The following EIF2AK3 variants were observed in gnomAD, a reference collection of about 807,000 sequenced individuals.
The protein encoded by EIF2AK3 is eukaryotic translation initiation factor 2-alpha kinase 3.
A neutral mutation model predicts 113.5 loss-of-function variants in EIF2AK3; 50 were observed. The observed-to-expected ratio is 0.44, with a 90% CI of 0.35 to 0.56. The LOEUF is 0.56. Ranked by LOEUF, EIF2AK3 falls within the 20% of genes least tolerant of loss-of-function variation. The pLI, the probability that EIF2AK3 is intolerant of heterozygous loss-of-function variation, is 0.00. For synonymous variants in EIF2AK3, 448 were observed against 495.4 expected (o/e 0.90, Z 1.27); for missense variants, 1,185 against 1,378.0 (o/e 0.86, Z 2.22).
rs552673266 is a variant in EIF2AK3, at chr2:88,623,724, CTT to C, written c.308+3241_308+3242del. Among the ~76,000 whole-genome samples, 40 of 152,174 alleles carry C rather than the reference CTT, an allele frequency of 2.6e-4. No homozygotes were observed. The East Asian group carries it at 7.6e-3, about 29-fold the overall frequency. On this transcript the variant is annotated intron_variant, in intron 1 of 16. Transcript: ENST00000303236. ...TTTTTTTAAGAGCATTTAGAAAAAACTTTTATAAACTGCGTATTTATCTCCTG... is the reference window on the plus strand; with the variant it reads ...TTTTTTTAAGAGCATTTAGAAAAAACTTATAAACTGCGTATTTATCTCCTG...
rs547510695 is a variant in EIF2AK3 at position 88,579,815 on chromosome 2, A to G, written c.1764-175T>C. 7 of 574,064 alleles carry G rather than the reference A, an allele frequency of 1.2e-5. No homozygotes were observed. In the South Asian group the frequency reaches 1.5e-4, roughly 12 times the overall value. 35.6% of individuals were successfully genotyped at this position (574,064 alleles called of 1,614,324 possible). On this transcript the variant is annotated intron_variant, in intron 10 of 16. Transcript: ENST00000303236. ...ATTTTTAGTCCTGTTTGTATAAATG[A>G]AGCAAACACATTCTTATGTTTCCTA...
intron 10 of EIF2AK3, 94 bp from the exon 11 acceptor site, chr2:88,579,734 T>A: frequency 8.6e-7 from 1 of 1,156,982 alleles, no homozygotes; most frequent in Non-Finnish European, 1.3e-6. Flanking sequence ...CATAAAAATG[T>A]ATAAACTCAT....
chr2:88,561,324 C>T (rs541364438), intron 15 of EIF2AK3, among the ~76,000 whole-genome samples: 4 of 150,852 alleles, frequency 2.7e-5, no homozygotes, highest in South Asian at 4.2e-4. Context: ...TGCAGTGGCG[C>T]GATCTCTGCT....
At chr2:88,565,396 G>A (rs916735296) in intron 14 of EIF2AK3, among the ~76,000 whole-genome samples, 4 of 148,790 alleles carry the variant, frequency 2.7e-5, no homozygotes, top group African/African-American at 5.0e-5. Context: ...GCTGGAGCAC[G>A]GTGGCATGAC....
At chr2:88,571,299 C>T (rs1674302030) in intron 13 of EIF2AK3, among the ~76,000 whole-genome samples, 1 of 152,130 alleles carries the variant, frequency 6.6e-6, no homozygotes, top group African/African-American at 2.4e-5. Context: ...GGTGCACATT[C>T]CCTAGGGATC....
At chr2:88,600,465 A>G (rs1675124443) in intron 2 of EIF2AK3, among the ~76,000 whole-genome samples, 2 of 152,070 alleles carry the variant, frequency 1.3e-5, no homozygotes, top group South Asian at 4.2e-4. Context: ...TGCATCTCAA[A>G]CTTATTGTGT....
At chr2:88,595,349 G>A in intron 3 of EIF2AK3, 120 bp downstream of exon 3, 1 of 996,232 alleles carries the variant, frequency 1.0e-6, no homozygotes, top group South Asian at 1.5e-5. Flanking sequence ...TAAAACAAAT[G>A]ACAACCTCAG....
At chr2:88,610,088 C>T (rs964300694) in intron 2 of EIF2AK3, among the ~76,000 whole-genome samples, 4 of 151,968 alleles carry the variant, frequency 2.6e-5, no homozygotes, top group Non-Finnish European at 5.9e-5. Flanking sequence ...CGCCACTGCA[C>T]TCCAGCCTGG....
chr2:88,610,801 A>C (rs976598782), intron 2 of EIF2AK3, among the ~76,000 whole-genome samples: 2 of 152,146 alleles, frequency 1.3e-5, no homozygotes, highest in African/African-American at 4.8e-5. Context: ...TTATGCCTGT[A>C]ATCCCAGCAC....
intron 15 of EIF2AK3, among the ~76,000 whole-genome samples, chr2:88,559,873 G>A (rs1407502522): frequency 6.6e-6 from 1 of 152,052 alleles, no homozygotes; most frequent in Admixed American, 6.6e-5. Flanking sequence ...GAGCATTTTG[G>A]TGGTTTCTAC....
At chr2:88,606,596 A>C (rs1675285548) in intron 2 of EIF2AK3, among the ~76,000 whole-genome samples, 2 of 152,324 alleles carry the variant, frequency 1.3e-5, no homozygotes, top group Admixed American at 6.5e-5. Flanking sequence ...CAAATGAAAA[A>C]CTGCAAAACA....
At chr2:88,566,306 TA>T (rs529209386) in intron 14 of EIF2AK3, among the ~76,000 whole-genome samples, 14 of 151,976 alleles carry the variant, frequency 9.2e-5, no homozygotes, top group African/African-American at 3.4e-4. Context: ...CTTTCATTTT[TA>T]AAAAAAGTTT....
chr2:88,561,492 A>G (rs1673959326), intron 15 of EIF2AK3, among the ~76,000 whole-genome samples: 1 of 151,182 alleles, frequency 6.6e-6, no homozygotes, highest in Non-Finnish European at 1.5e-5. Context: ...TGATCTCTTG[A>G]CCTCATGATC....
intron 4 of EIF2AK3, among the ~76,000 whole-genome samples, chr2:88,591,747 G>C (rs905178264): frequency 6.6e-6 from 1 of 152,098 alleles, no homozygotes. Context: ...GCATAGTTAA[G>C]AATTCTGACA....
chr2:88,560,680 T>C (rs1673926296), intron 15 of EIF2AK3, among the ~76,000 whole-genome samples: 1 of 152,224 alleles, frequency 6.6e-6, no homozygotes, highest in South Asian at 2.1e-4. Context: ...AGACCTGTTT[T>C]ATTTTCCTTT....
chr2:88,588,660 T>C (rs1301140000), intron 7 of EIF2AK3, 101 bp downstream of exon 7: 2 of 1,211,414 alleles, frequency 1.7e-6, no homozygotes, highest in Non-Finnish European at 2.4e-6. Context: ...ATAAAGTATA[T>C]AACAGTTCTT....
At chr2:88,579,276 T>G (rs1361559983) in intron 11 of EIF2AK3, among the ~76,000 whole-genome samples, 1 of 152,196 alleles carries the variant, frequency 6.6e-6, no homozygotes, top group Non-Finnish European at 1.5e-5. Flanking sequence ...TATAAGCCAC[T>G]AAACGAAAGT....
At chr2:88,573,126 G>A (rs1018085121) in intron 13 of EIF2AK3, among the ~76,000 whole-genome samples, 20 of 122,564 alleles carry the variant, frequency 1.6e-4, no homozygotes, top group Non-Finnish European at 1.7e-4. Flanking sequence ...TTTTTTTTTT[G>A]GTTGGGGGTG....
intron 8 of EIF2AK3, among the ~76,000 whole-genome samples, chr2:88,587,210 A>C (rs112686640): frequency 3.0e-3 from 376 of 125,292 alleles, no homozygotes; most frequent in Non-Finnish European, 5.1e-3. Context: ...ATCTCAAAAA[A>C]AAAAAAAAAA....
Sources: allele counts gnomAD v4.1 joint callset (sites outside exome capture counted in the v4.1 genomes callset), GRCh38; gene constraint gnomAD v4.1.1; transcripts MANE v1.5; gene names NCBI Gene and HGNC (gene_info 2026-07-23, HGNC 2026-07-21).